FYN: variants seen among roughly 807,000 people sequenced by gnomAD.
The protein encoded by FYN is tyrosine-protein kinase Fyn.
FYN carries 10 observed loss-of-function variants against 70.2 expected under a neutral mutation model. The ratio of observed to expected loss-of-function variants is 0.14; its 90% confidence interval spans 0.09 to 0.24. The LOEUF is 0.24. Among genes scored for constraint, FYN ranks in the 10% least tolerant of loss-of-function variants. The pLI is 1.00. For synonymous variants in FYN, 236 were observed against 248.6 expected, an observed-to-expected ratio of 0.95 and a Z score of 0.48; for missense variants, 319 against 673.1, an observed-to-expected ratio of 0.47 and a Z score of 5.82.
At chr6:111,800,250 G>A (rs1219656401) in intron 2 of FYN, among the ~76,000 whole-genome samples, 1 of 152,070 alleles carries the variant, frequency 6.6e-6, no homozygotes, top group Non-Finnish European at 1.5e-5. Flanking sequence ...TTAATGATCT[G>A]TAATAAGCAA....
chr6:111,714,510 A>C, intron 4 of FYN, 67 bp from the exon 5 acceptor site: 1 of 1,113,490 alleles, frequency 9.0e-7, no homozygotes, highest in Non-Finnish European at 1.4e-6. Flanking sequence ...AAGAAATTAA[A>C]TCTTCACTAA....
chr6:111,820,494 G>A (rs187599761), intron 2 of FYN, among the ~76,000 whole-genome samples: 2 of 152,026 alleles, frequency 1.3e-5, no homozygotes, highest in Admixed American at 1.3e-4. Flanking sequence ...CTGAGAAATA[G>A]ATTAACTGTA....
chr6:111,696,402 A>G lies in FYN; in HGVS notation c.917T>C (p.Met306Thr). 2 of 1,612,878 alleles carry G rather than the reference A, an allele frequency of 1.2e-6. No individual in the cohort carries two copies. The highest frequency in any genetic ancestry group is 1.7e-6 in the Non-Finnish European group (2 of 1,179,504). ...VAIKTLKPGT[M>T]SPESFLEEAQ... The stretch of plus-strand genomic sequence containing the variant: ...TTCCTCAAGGAATGATTCGGGGGAC[A>G]TTGTGCCTGGTTTAAGAGTCTTTAT... Residue 306 changes from methionine to threonine, a missense_variant, in exon 10 of 14, where the codon ATG becomes ACG. Met to Thr is a moderately conservative substitution (Grantham distance 81, BLOSUM62 -1). Transcript: ENST00000354650.
At chr6:111,707,435 C>T (rs1416786893) in intron 6 of FYN, among the ~76,000 whole-genome samples, 1 of 152,202 alleles carries the variant, frequency 6.6e-6, no homozygotes, top group African/African-American at 2.4e-5. Context: ...TGGGGGGACA[C>T]ACTGTATGTG....
chr6:111,690,868 C>A (rs765146231), intron 12 of FYN, among the ~76,000 whole-genome samples: 1 of 152,214 alleles, frequency 6.6e-6, no homozygotes, highest in African/African-American at 2.4e-5. Context: ...CAATCCCCCA[C>A]GTCTTCCTCC....
intron 3 of FYN, among the ~76,000 whole-genome samples, chr6:111,723,314 C>T (rs1002770923): frequency 2.0e-5 from 3 of 151,860 alleles, no homozygotes; most frequent in Admixed American, 6.6e-5. Context: ...CTGCATCTTG[C>T]GTGGCCAGAA....
intron 2 of FYN, among the ~76,000 whole-genome samples, chr6:111,836,420 C>G (rs182476718): frequency 6.6e-6 from 1 of 152,088 alleles, no homozygotes; most frequent in African/African-American, 2.4e-5. Flanking sequence ...CTTTAGCCCC[C>G]AAAAGAAAAA....
At chr6:111,763,950 TA>T (rs779393477) in intron 3 of FYN, among the ~76,000 whole-genome samples, 30 of 152,138 alleles carry the variant, frequency 2.0e-4, no homozygotes, top group Non-Finnish European at 4.1e-4. Flanking sequence ...GTCAATTCAA[TA>T]TGCAGTAGGA....
chr6:111,828,808 T>C (rs1257273662), intron 2 of FYN, among the ~76,000 whole-genome samples: 1 of 152,242 alleles, frequency 6.6e-6, no homozygotes, highest in Non-Finnish European at 1.5e-5. Context: ...TTCCAAGATG[T>C]AGTCATGACT....
chr6:111,797,463 T>C (rs1313377737), intron 2 of FYN, among the ~76,000 whole-genome samples: 1 of 151,716 alleles, frequency 6.6e-6, no homozygotes, highest in Non-Finnish European at 1.5e-5. Flanking sequence ...TGAGCAAATA[T>C]TTTCACTCCA....
chr6:111,687,642 CAG>C (rs374882686), intron 12 of FYN, among the ~76,000 whole-genome samples: 337 of 143,068 alleles, frequency 2.4e-3, no homozygotes, highest in Admixed American at 2.2e-3. Context: ...ATGTGTGTGT[CAG>C]AGAGAGAGAG....
chr6:111,841,733 T>C (rs1295848358), intron 2 of FYN, among the ~76,000 whole-genome samples: 2 of 152,106 alleles, frequency 1.3e-5, no homozygotes, highest in African/African-American at 4.8e-5. Context: ...TTGTTCTAGA[T>C]CAGTTATCAA....
At chr6:111,676,443 C>T (rs1271616734) in intron 12 of FYN, 1 of 152,154 alleles carries the variant, frequency 6.6e-6, no homozygotes, top group Admixed American at 6.5e-5. Flanking sequence ...CACATAAGAC[C>T]TGGTATTCTC....
chr6:111,714,298 C>T (rs1175107722), intron 5 of FYN, 49 bp downstream of exon 5: 2 of 1,277,166 alleles, frequency 1.6e-6, no homozygotes, highest in Non-Finnish European at 2.3e-6. Flanking sequence ...TGCAAGACCC[C>T]TTCCCAACCT....
At chr6:111,678,477 A>G (rs574534582) in intron 12 of FYN, among the ~76,000 whole-genome samples, 13 of 152,296 alleles carry the variant, frequency 8.5e-5, no homozygotes, top group African/African-American at 2.9e-4. Flanking sequence ...GAGATATGAA[A>G]TAAGTGGTCA....
rs976776299 is a variant in FYN, at chr6:111,802,944, T to C, written c.-81-22309A>G. 1.3e-5 allele frequency among the ~76,000 whole-genome samples: 2 copies of C among 152,218 alleles called. 1 individual carries two copies. The highest frequency in any genetic ancestry group is 3.8e-4 in the East Asian group (2 of 5,198). ...TCCTAGATTTCTCAATCATACATGA[T>C]TTTCTTGGCTAGGAAATCGTATAAT... On this transcript the variant is annotated intron_variant, in intron 2 of 13. Transcript: ENST00000354650.
intron 2 of FYN, among the ~76,000 whole-genome samples, chr6:111,786,626 T>C (rs1771398212): frequency 6.6e-6 from 1 of 152,240 alleles, no homozygotes; most frequent in African/African-American, 2.4e-5. Context: ...TCTAGATCCT[T>C]GAGGAATCGC....
chr6:111,666,471 A>G (rs1798012181), intron 13 of FYN, among the ~76,000 whole-genome samples: 3 of 152,092 alleles, frequency 2.0e-5, no homozygotes. Flanking sequence ...GCCTCACGGG[A>G]GCCACCAGCC....
In FYN at chr6:111,873,431, C is replaced by T. The variant is rs1277654994; in HGVS notation, c.-586G>A. On this transcript the variant is annotated 5_prime_UTR_variant, in exon 1 of 14. Coordinates refer to ENST00000354650, the MANE Select transcript of FYN (RefSeq NM_002037.5). ...CCGCCGCCACCAGCGCGGCTGCTCG[C>T]TGCTACTCTTGCTGATGCTCTGCCC... is the stretch of plus-strand genomic sequence containing the variant. The T allele has an allele frequency of 6.6e-6, 1 of 152,048 alleles. No homozygotes were observed. The highest frequency in any genetic ancestry group is 2.4e-5 in the African/African-American group (1 of 41,402). The allele number at this position is 152,048 out of a possible 1,614,324, so 9.4% of individuals were successfully genotyped here.
Sources: allele counts gnomAD v4.1 joint callset (sites outside exome capture counted in the v4.1 genomes callset), GRCh38; gene constraint gnomAD v4.1.1; transcripts MANE v1.5; gene names NCBI Gene and HGNC (gene_info 2026-07-23, HGNC 2026-07-21).